Variants in ZNF410 observed in about 807,000 individuals in gnomAD.
The protein encoded by ZNF410 is another partner for ARF 1.
Under a neutral mutation model 54.8 loss-of-function variants are expected in ZNF410, and 18 were observed. The observed-to-expected ratio is 0.33, with a 90% CI of 0.23 to 0.49. The LOEUF (loss-of-function observed/expected upper bound fraction) is 0.49, where lower values mean the gene tolerates loss of function less well. Among genes scored for constraint, ZNF410 ranks in the 20% least tolerant of loss-of-function variants. The probability of loss-of-function intolerance (pLI) is 0.99; values close to 1 mark genes in which losing one functional copy is unlikely to be tolerated. For synonymous variants in ZNF410, 191 were observed against 207.3 expected (o/e 0.92, Z 0.68); for missense variants, 405 against 569.6 (o/e 0.71, Z 2.94).
rs1413556135 is a variant in ZNF410 at position 73,931,654 on chromosome 14, ACT to A, written c.*116_*117del. 3.0e-6 allele frequency: 3 copies of A among 988,202 alleles called. No homozygotes were observed. The highest frequency in any genetic ancestry group is 2.3e-5 in the Admixed American group (1 of 43,720). The allele number at this position is 988,202 out of a possible 1,614,324, so 61.2% of individuals were successfully genotyped here. A position where few individuals can be genotyped will look rare whatever the true frequency, so the allele number is the denominator to read the frequency against. ...CAGAATGAATCTTTGAAGGCACAAG[ACT>A]CTGCTTTTGCCACTCTTCCTCTTTC... is the stretch of plus-strand genomic sequence containing the variant. On this transcript the variant is annotated 3_prime_UTR_variant, in exon 12 of 12. Transcript: ENST00000555044.
chr14:73,912,746 C>T (rs2055603628), intron 8 of ZNF410, among the ~76,000 whole-genome samples: 1 of 152,162 alleles, frequency 6.6e-6, no homozygotes, highest in Non-Finnish European at 1.5e-5. Flanking sequence ...ATGTTTGATG[C>T]TATTTCAAAT....
intron 7 of ZNF410, among the ~76,000 whole-genome samples, chr14:73,906,032 C>G: frequency 7.0e-6 from 1 of 142,306 alleles, no homozygotes; most frequent in East Asian, 2.2e-4. Flanking sequence ...TGGAGTCTTG[C>G]TCTGTTGCCA....
chr14:73,915,612 T>A (rs1227481889), intron 8 of ZNF410: 10 of 152,130 alleles, frequency 6.6e-5, no homozygotes. Flanking sequence ...GTGCTGGGAT[T>A]ACAGGTGTGA....
At chr14:73,895,524 C>T (rs1011873849) in intron 3 of ZNF410, 27 of 147,762 alleles carry the variant, frequency 1.8e-4, no homozygotes, top group African/African-American at 6.6e-4. Flanking sequence ...TAGTGTTCAT[C>T]AACTAATGAA....
chr14:73,893,860 G>C lies in ZNF410; in HGVS notation c.97G>C (p.Ala33Pro). 2 of 1,614,134 alleles carry C rather than the reference G, an allele frequency of 1.2e-6. No homozygotes were observed. The highest frequency in any genetic ancestry group is 1.7e-6 in the Non-Finnish European group (2 of 1,180,016). ...PLGQGLVESE[A>P]KDITCLSLLP... ...GGGACAGGGGCTTGTAGAATCAGAA[G>C]CTAAAGATATTACTTGCTTGTCCCT... Residue 33 changes from alanine to proline, a missense_variant, in exon 3 of 12, where the codon GCT becomes CCT. Around this residue, in one of 3 missense-constraint regions of ZNF410, gnomAD observed 247 missense variants for 342.8 expected, o/e 0.72. Transcript: ENST00000555044.
At chr14:73,909,512 C>T (rs1278522012) in intron 8 of ZNF410, 82 bp downstream of exon 8, 8 of 1,152,410 alleles carry the variant, frequency 6.9e-6, no homozygotes, top group Admixed American at 2.1e-5. Context: ...ATAAAGACAA[C>T]TAAAAAGAAA....
At chr14:73,913,632 C>T (rs2055619504) in intron 8 of ZNF410, 1 of 152,234 alleles carries the variant, frequency 6.6e-6, no homozygotes, top group Non-Finnish European at 1.5e-5. Context: ...AAAAACCCCA[C>T]TCCGTCTTTG....
rs995753109 is a variant in ZNF410 at position 73,931,404 on chromosome 14, T to C, written c.1399-99T>C. 9 of 1,022,756 alleles carry C rather than the reference T, an allele frequency of 8.8e-6. No individual in the cohort carries two copies. In the African/African-American group the frequency reaches 1.3e-4, roughly 15 times the overall value. The allele number at this position is 1,022,756 out of a possible 1,614,324, so 63.4% of individuals were successfully genotyped here. On this transcript the variant is annotated intron_variant, in intron 11 of 11. Transcript: ENST00000555044. Reference sequence around the variant, plus strand: ...AGATAGCCTTCATTCACCCCTGTAGTGCATTCTCCATCCTCCACTCTTAAT... The same window carrying C: ...AGATAGCCTTCATTCACCCCTGTAGCGCATTCTCCATCCTCCACTCTTAAT...
Position 73,904,122 on chromosome 14 carries a change from C to G in ZNF410, c.731+12C>G. 6.2e-7 allele frequency: 1 copy of G among 1,610,512 alleles called. No individual in the cohort carries two copies. Among genetic ancestry groups the G allele is most frequent in the Non-Finnish European group, 8.5e-7 (1 of 1,178,204 alleles). On this transcript the variant is annotated intron_variant, in intron 6 of 11. Coordinates refer to ENST00000555044, the MANE Select transcript of ZNF410 (RefSeq NM_021188.3). ...CTCAAGACTCATCGGTGAGCAAATC[C>G]GAGATCTCATATTTGGATATACGTT...
chr14:73,899,951 T>G (rs1486515682), intron 5 of ZNF410, among the ~76,000 whole-genome samples: 1 of 152,052 alleles, frequency 6.6e-6, no homozygotes, highest in East Asian at 1.9e-4. Flanking sequence ...ATCCCTGCAC[T>G]TTGGGAGGCC....
At position 73,920,911 on chromosome 14, in the gene ZNF410, C is replaced by T. The variant is rs1477822123; in HGVS notation, c.1004-69C>T. 17 of 1,590,302 alleles carry T rather than the reference C, an allele frequency of 1.1e-5. No homozygotes were observed. The East Asian group carries it at 3.6e-4, about 34-fold the overall frequency. On this transcript the variant is annotated intron_variant, in intron 8 of 11. Transcript: ENST00000555044. Reference sequence around the variant, plus strand: ...CAGTTTAACATTCTCTGGGTTTCTCCATCTAGGTCTTGAGTTCATTCTCTT... The same window carrying T: ...CAGTTTAACATTCTCTGGGTTTCTCTATCTAGGTCTTGAGTTCATTCTCTT...
intron 5 of ZNF410, among the ~76,000 whole-genome samples, chr14:73,899,694 T>C (rs1267327158): frequency 6.6e-6 from 1 of 152,192 alleles, no homozygotes; most frequent in African/African-American, 2.4e-5. Flanking sequence ...TTCCCTGCCT[T>C]GGGCAGTTTA....
chr14:73,928,570 G>A (rs993408949), intron 11 of ZNF410, among the ~76,000 whole-genome samples: 1 of 152,120 alleles, frequency 6.6e-6, no homozygotes, highest in Non-Finnish European at 1.5e-5. Context: ...CACAAGTCTT[G>A]GAATTGGCCT....
intron 3 of ZNF410, among the ~76,000 whole-genome samples, chr14:73,895,687 G>A (rs919962546): frequency 6.6e-5 from 10 of 152,046 alleles, no homozygotes; most frequent in African/African-American, 1.9e-4. Flanking sequence ...ATTACAGGCC[G>A]GGCGTGGTGG....
chr14:73,920,878 C>A, intron 8 of ZNF410, 102 bp from the exon 9 acceptor site: 1 of 1,477,002 alleles, frequency 6.8e-7, no homozygotes, highest in Non-Finnish European at 9.2e-7. Flanking sequence ...GGAGCAGCTG[C>A]TTATGTTCAG....
Position 73,892,168 on chromosome 14 carries a change from C to T in ZNF410, c.-8C>T. The T allele has an allele frequency of 1.2e-6, 2 of 1,613,944 alleles. No individual in the cohort carries two copies. Among genetic ancestry groups the T allele is most frequent in the South Asian group, 1.1e-5 (1 of 91,062 alleles). ...CCTGAATAGCTACAGGTTTTGGAAG[C>T]TGAATCAATGTTATCAGATGAGTTA... On this transcript the variant is annotated 5_prime_UTR_variant, in exon 2 of 12. Coordinates refer to ENST00000555044, the MANE Select transcript of ZNF410 (RefSeq NM_021188.3).
At chr14:73,887,513 C>T (rs1330888576) in intron 1 of ZNF410, 2 of 152,138 alleles carry the variant, frequency 1.3e-5, no homozygotes, top group African/African-American at 4.8e-5. Flanking sequence ...TGAAGTTTCT[C>T]AAGATAATCC....
At chr14:73,930,349 TAC>T (rs1184327229) in intron 11 of ZNF410, among the ~76,000 whole-genome samples, 3 of 152,196 alleles carry the variant, frequency 2.0e-5, no homozygotes, top group Non-Finnish European at 4.4e-5. Flanking sequence ...TTTTGGTGGA[TAC>T]AGTGTCTTAC....
At chr14:73,897,700 G>A (rs563540478) in intron 4 of ZNF410, among the ~76,000 whole-genome samples, 33 of 152,136 alleles carry the variant, frequency 2.2e-4, no homozygotes, top group Non-Finnish European at 3.2e-4. Flanking sequence ...TGGGCCAGGC[G>A]CAGTGGCTCA....
Sources: allele counts gnomAD v4.1 joint callset (sites outside exome capture counted in the v4.1 genomes callset), GRCh38; gene constraint gnomAD v4.1.1; regional missense constraint gnomAD v4.1.1; transcripts MANE v1.5; gene names NCBI Gene and HGNC (gene_info 2026-07-23, HGNC 2026-07-21).